Variants in ATF6B observed in about 807,000 individuals in gnomAD.
The protein encoded by ATF6B is activating transcription factor 6 beta, also known as cyclic AMP-dependent transcription factor ATF-6 beta.
A neutral mutation model predicts 83.5 loss-of-function variants in ATF6B; 50 were observed. The ratio of observed to expected loss-of-function variants is 0.60; its 90% CI spans 0.48 to 0.76. The LOEUF (loss-of-function observed/expected upper bound fraction) is 0.76. ATF6B is among the 30% of genes least tolerant of loss of function. The pLI is 0.00. For missense variants in ATF6B, 790 were observed against 893.8 expected (o/e 0.88, Z 1.48); for synonymous variants, 344 against 362.8 (o/e 0.95, Z 0.59).
rs778173486 is a variant in ATF6B at position 32,116,997 on chromosome 6, G to T, written c.1685+40C>A. Reference sequence around the variant, plus strand: ...ACTGGGGGTACAGCTCTTGAAAGTGGAATTTCACTTAATAAGTAAGCACCC... The same window carrying T: ...ACTGGGGGTACAGCTCTTGAAAGTGTAATTTCACTTAATAAGTAAGCACCC... On this transcript the variant is annotated intron_variant, in intron 15 of 17. Coordinates refer to ENST00000375203, the MANE Select transcript of ATF6B (RefSeq NM_004381.5). This position sits in a 1 kb window ranked among gnomAD's most constrained non-coding sequence, Gnocchi z 5.1. 1 of 1,600,602 alleles carries T rather than the reference G, an allele frequency of 6.2e-7. No homozygotes were observed. Among genetic ancestry groups the T allele is most frequent in the Admixed American group, 1.7e-5 (1 of 59,772 alleles).
At position 32,125,064 on chromosome 6, in the gene ATF6B, G is replaced by A. The variant is rs888500666; in HGVS notation, c.478+1053C>T. ...AGGATGGTCTCAATCTCCTGACCTCGTGATCCGCCCACCTCGGCCTCCCAA... is the reference window on the plus strand; with the variant it reads ...AGGATGGTCTCAATCTCCTGACCTCATGATCCGCCCACCTCGGCCTCCCAA... On this transcript the variant is annotated intron_variant, in intron 5 of 17. Coordinates refer to ENST00000375203, the MANE Select transcript of ATF6B (RefSeq NM_004381.5). The surrounding 1 kb of genome is among the most constrained non-coding windows in gnomAD (Gnocchi z 4.1). 6.6e-6 allele frequency among the ~76,000 whole-genome samples: 1 copy of A among 151,976 alleles called. No homozygotes were observed. The highest frequency in any genetic ancestry group is 1.5e-5 in the Non-Finnish European group (1 of 68,000).
Position 32,127,003 on chromosome 6 carries a change from T to A in ATF6B, c.342+100A>T. ...CACACCTCACACACCTCATGACTCA[T>A]AGCACACAAATCATTTAAATCATTT... is the stretch of plus-strand genomic sequence containing the variant. On this transcript the variant is annotated intron_variant, in intron 4 of 17. Transcript: ENST00000375203. The A allele has an allele frequency of 6.2e-6, 7 of 1,125,746 alleles. No individual in the cohort carries two copies. The South Asian group carries it at 1.3e-4, about 21-fold the overall frequency. 69.7% of individuals were successfully genotyped at this position (1,125,746 alleles called of 1,614,324 possible).
chr6:32,127,770 T>A lies in ATF6B; in HGVS notation c.92-20A>T, dbSNP rs767831852. 1 of 1,613,486 alleles carries A rather than the reference T, an allele frequency of 6.2e-7. No individual in the cohort carries two copies. Among genetic ancestry groups the A allele is most frequent in the South Asian group, 1.1e-5 (1 of 91,072 alleles). On this transcript the variant is annotated intron_variant, in intron 1 of 17. Transcript: ENST00000375203. The stretch of plus-strand genomic sequence containing the variant: ...TGCTGTCTGCAAGAAATGCTGAGCG[T>A]CGGGGGGTCGTTCGGTGGCCCCAGC...
chr6:32,122,845 CAA>C (rs746213748), intron 5 of ATF6B, among the ~76,000 whole-genome samples: 122 of 52,682 alleles, frequency 2.3e-3, no homozygotes, highest in Admixed American at 9.0e-3. Context: ...GACTCTGTCT[CAA>C]AAAAAAAAAA....
chr6:32,119,232 T>G lies in ATF6B; in HGVS notation c.967-91A>C. 5 of 1,449,610 alleles carry G rather than the reference T, an allele frequency of 3.4e-6. No individual in the cohort carries two copies. In the African/African-American group the frequency reaches 4.3e-5, roughly 12 times the overall value. The allele number at this position is 1,449,610 out of a possible 1,614,324, so 89.8% of individuals were successfully genotyped here. On this transcript the variant is annotated intron_variant, in intron 9 of 17. Coordinates refer to ENST00000375203, the MANE Select transcript of ATF6B (RefSeq NM_004381.5). This position sits in a 1 kb window ranked among gnomAD's most constrained non-coding sequence, Gnocchi z 4.9. ...CCCCAAGGAATGATTTACCCAAAGC[T>G]CACATGGCCATTCCCCTGCCTTCCT...
At chr6:32,124,573 C>T (rs941340988) in intron 5 of ATF6B, among the ~76,000 whole-genome samples, 1 of 152,190 alleles carries the variant, frequency 6.6e-6, no homozygotes, top group Admixed American at 6.5e-5. Flanking sequence ...AAGGCCCCCA[C>T]CTATCCACAG....
In ATF6B at chr6:32,127,738, T is replaced by A; in HGVS notation, c.104A>T (p.Tyr35Phe). The A allele has an allele frequency of 6.2e-7, 1 of 1,614,120 alleles. No individual in the cohort carries two copies. Among genetic ancestry groups the A allele is most frequent in the East Asian group, 2.2e-5 (1 of 44,868 alleles). Residue 35 changes from tyrosine to phenylalanine, a missense_variant, in exon 2 of 18, where the codon TAT becomes TTT. Transcript: ENST00000375203. Reference protein sequence around the residue: ...EDWGLQNSTLYSGLDEVAEEQ... With the variant: ...EDWGLQNSTLFSGLDEVAEEQ... ...CTCGGCCACTTCATCTAGGCCAGAA[T>A]ACAAGGTGCTGTCTGCAAGAAATGC...
In ATF6B at chr6:32,115,939, C is replaced by G. The variant is rs749999162; in HGVS notation, c.1912G>C (p.Asp638His). ...ETLSGRGAPGDYEEMMQIECE... is the reference protein window; with the variant it reads ...ETLSGRGAPGHYEEMMQIECE... ...TCGATCTGCATCATCTCCTCATAGT[C>G]CCCCGGGGCCCCACGGCCTGACAGG... The change falls in exon 18 of 18, where the codon GAC becomes CAC. Residue 638 changes from aspartate to histidine, a missense_variant. Coordinates refer to ENST00000375203, the MANE Select transcript of ATF6B (RefSeq NM_004381.5). 9.9e-6 allele frequency: 16 copies of G among 1,613,716 alleles called. No homozygotes were observed. The highest frequency in any genetic ancestry group is 1.4e-5 in the Non-Finnish European group (16 of 1,179,854).
In ATF6B at chr6:32,116,183, TG is replaced by T. The variant is rs1390167309; in HGVS notation, c.1883-216del. Reference sequence around the variant, plus strand: ...TAGGAAAAGAAAAGGGCATTGAGTGTGGGGTCACACAGGAGAGGACATCAAG... The same window carrying T: ...TAGGAAAAGAAAAGGGCATTGAGTGTGGGTCACACAGGAGAGGACATCAAG... On this transcript the variant is annotated intron_variant, in intron 17 of 17. Coordinates refer to ENST00000375203, the MANE Select transcript of ATF6B (RefSeq NM_004381.5). This position sits in a 1 kb window ranked among gnomAD's most constrained non-coding sequence, Gnocchi z 5.1. 3.3e-5 allele frequency among the ~76,000 whole-genome samples: 5 copies of T among 152,024 alleles called. No homozygotes were observed. Among genetic ancestry groups the T allele is most frequent in the African/African-American group, 1.2e-4 (5 of 41,378 alleles).
chr6:32,128,246 G>A lies in ATF6B; in HGVS notation c.-39C>T, dbSNP rs1782081059. 9.2e-6 allele frequency: 13 copies of A among 1,408,044 alleles called. No individual in the cohort carries two copies. The highest frequency in any genetic ancestry group is 1.2e-5 in the Non-Finnish European group (13 of 1,077,466). The allele number at this position is 1,408,044 out of a possible 1,614,324, so 87.2% of individuals were successfully genotyped here. The stretch of plus-strand genomic sequence containing the variant: ...CCCCCAACCAGGAGACGGTTCCCAA[G>A]GCCCGCCTCTCCCCATCACCAACTA... On this transcript the variant is annotated 5_prime_UTR_variant, in exon 1 of 18. Coordinates refer to ENST00000375203, the MANE Select transcript of ATF6B (RefSeq NM_004381.5).
intron 5 of ATF6B, among the ~76,000 whole-genome samples, chr6:32,122,523 A>G (rs1003091663): frequency 1.3e-5 from 2 of 152,198 alleles, no homozygotes; most frequent in African/African-American, 4.8e-5. Flanking sequence ...GTCATGATAC[A>G]AATCCAAACG....
Position 32,117,852 on chromosome 6 carries a change from T to C in ATF6B, c.1424+7A>G, listed in dbSNP as rs374352541. 3.2e-5 allele frequency: 50 copies of C among 1,557,632 alleles called. No homozygotes were observed. The highest frequency in any genetic ancestry group is 4.3e-5 in the Non-Finnish European group (50 of 1,155,344). On this transcript the variant is annotated splice_region_variant and intron_variant, in intron 12 of 17. Coordinates refer to ENST00000375203, the MANE Select transcript of ATF6B (RefSeq NM_004381.5). This position sits in a 1 kb window ranked among gnomAD's most constrained non-coding sequence, Gnocchi z 5.0. ...AACGAGAGGGGGCCCTCTCTCTCTC[T>C]CCTCACCTGAAACTGGGCTGGTCTG... is the stretch of plus-strand genomic sequence containing the variant.
intron 5 of ATF6B, among the ~76,000 whole-genome samples, chr6:32,122,955 C>T (rs1330622243): frequency 6.6e-6 from 1 of 151,692 alleles, no homozygotes; most frequent in Non-Finnish European, 1.5e-5. Context: ...CATGGTGGCT[C>T]ACGCCTGTAA....
In ATF6B at chr6:32,116,058, A is replaced by G; in HGVS notation, c.1883-90T>C. The G allele has an allele frequency of 1.0e-6, 1 of 972,508 alleles. No individual in the cohort carries two copies. The highest frequency in any genetic ancestry group is 1.6e-5 in the South Asian group (1 of 63,160). The allele number at this position is 972,508 out of a possible 1,614,324, so 60.2% of individuals were successfully genotyped here. ...GGAGGAGGTCAGAAAAGTAGAGGTG[A>G]GCAGAGAGAAAAAGAAAGGGCAATA... On this transcript the variant is annotated intron_variant, in intron 17 of 17. Transcript: ENST00000375203. The surrounding 1 kb of genome is among the most constrained non-coding windows in gnomAD (Gnocchi z 5.1).
chr6:32,128,211 T>TGGCG lies in ATF6B; in HGVS notation c.-5_-4insCGCC. 1 of 1,536,854 alleles carries TGGCG rather than the reference T, an allele frequency of 6.5e-7. No individual in the cohort carries two copies. The highest frequency in any genetic ancestry group is 8.8e-7 in the Non-Finnish European group (1 of 1,131,462). On this transcript the variant is annotated 5_prime_UTR_variant, in exon 1 of 18. Coordinates refer to ENST00000375203, the MANE Select transcript of ATF6B (RefSeq NM_004381.5). ...TGAGCAGCATCAGCTCCGCCATCTT[T>TGGCG]CCCCCCCACCCCCCAACCAGGAGAC...
In ATF6B at chr6:32,118,494, G is replaced by A. The variant is rs552191337; in HGVS notation, c.1244+281C>T. The stretch of plus-strand genomic sequence containing the variant: ...GCCTGTAGTCCCAGCTACTTGGGAG[G>A]TTGAGGCAGGAGAATCACTTGAACC... On this transcript the variant is annotated intron_variant, in intron 11 of 17. Transcript: ENST00000375203. The surrounding 1 kb of genome is among the most constrained non-coding windows in gnomAD (Gnocchi z 5.2). Among the ~76,000 whole-genome samples the A allele has an allele frequency of 2.0e-5, 3 of 152,342 alleles. No individual in the cohort carries two copies. Among genetic ancestry groups the A allele is most frequent in the Non-Finnish European group, 2.9e-5 (2 of 68,028 alleles).
At chr6:32,124,423 A>G (rs1272552812) in intron 5 of ATF6B, among the ~76,000 whole-genome samples, 2 of 152,202 alleles carry the variant, frequency 1.3e-5, no homozygotes, top group African/African-American at 4.8e-5. Context: ...TCTTCATGAC[A>G]TCCGAATATC....
chr6:32,124,297 G>A (rs1464227038), intron 5 of ATF6B, among the ~76,000 whole-genome samples: 1 of 152,158 alleles, frequency 6.6e-6, no homozygotes, highest in Non-Finnish European at 1.5e-5. Flanking sequence ...CCAGTGAACA[G>A]TAACATCACC....
chr6:32,121,325 C>T lies in ATF6B; in HGVS notation c.502G>A (p.Val168Ile), dbSNP rs1176313443. 6.2e-7 allele frequency: 1 copy of T among 1,613,900 alleles called. No individual in the cohort carries two copies. Among genetic ancestry groups the T allele is most frequent in the African/African-American group, 1.3e-5 (1 of 74,912 alleles). The change falls in exon 6 of 18, where the codon GTC becomes ATC. Residue 168 changes from valine (V) to isoleucine (I), a missense_variant. Val to Ile is a conservative substitution (Grantham distance 29). Transcript: ENST00000375203. Reference sequence around the variant, plus strand: ...GAGTTGACGGAAGAACATGGAGAGACAGGTTCTATCTTGGTCTGGACATCT... The same window carrying T: ...GAGTTGACGGAAGAACATGGAGAGATAGGTTCTATCTTGGTCTGGACATCT... ...SSDVQTKIEP[V>I]SPCSSVNSEA...
Sources: allele counts gnomAD v4.1 joint callset (sites outside exome capture counted in the v4.1 genomes callset), GRCh38; gene constraint gnomAD v4.1.1; non-coding constraint Gnocchi (gnomAD v3.1); transcripts MANE v1.5; gene names NCBI Gene and HGNC (gene_info 2026-07-23, HGNC 2026-07-21).